Variants in NSDHL observed in about 807,000 individuals in gnomAD.
The protein encoded by NSDHL is NAD(P) dependent 3-beta-hydroxysteroid dehydrogenase NSDHL, also known as sterol-4-alpha-carboxylate 3-dehydrogenase, decarboxylating.
NSDHL carries 1 observed loss-of-function variant against 23.0 expected under a neutral mutation model. That is an observed-to-expected ratio of 0.04 (90% CI 0.02 to 0.21). NSDHL has a LOEUF of 0.21. Ranked by LOEUF, NSDHL falls within the 10% of genes least tolerant of loss-of-function variation. The probability of loss-of-function intolerance (pLI) is 1.00; values close to 1 mark genes in which losing one functional copy is unlikely to be tolerated. For missense variants in NSDHL, 237 were observed against 300.9 expected, an observed-to-expected ratio of 0.79 and a Z score of 1.57; for synonymous variants, 128 against 121.1, an observed-to-expected ratio of 1.06 and a Z score of -0.37.
At chrX:152,855,983 T>G (rs952711389) in intron 3 of NSDHL, among the ~76,000 whole-genome samples, 20 of 112,655 alleles carry the variant, frequency 1.8e-4, no homozygotes, top group Non-Finnish European at 3.2e-4. Context: ...GGTTGAAATA[T>G]TTAGCTCTCT....
chrX:152,844,450 C>T (rs1011378334), intron 1 of NSDHL, among the ~76,000 whole-genome samples: 8 of 112,377 alleles, frequency 7.1e-5, no homozygotes, highest in Non-Finnish European at 1.3e-4. Flanking sequence ...GCCTGTCATG[C>T]GGTCCTGTCA....
At chrX:152,845,118 C>G (rs1340119847) in intron 1 of NSDHL, among the ~76,000 whole-genome samples, 1 of 111,786 alleles carries the variant, frequency 8.9e-6, no homozygotes, top group Non-Finnish European at 1.9e-5. Flanking sequence ...AAAAATGTTC[C>G]CCCAAATGGC....
intron 1 of NSDHL, among the ~76,000 whole-genome samples, chrX:152,833,856 C>T (rs112834784): frequency 1.0e-3 from 113 of 112,244 alleles, no homozygotes; most frequent in African/African-American, 3.3e-3. Context: ...GTGTCTTTGT[C>T]AGCTTCTGCC....
chrX:152,846,746 G>A (rs1933280937), intron 2 of NSDHL, among the ~76,000 whole-genome samples: 1 of 112,161 alleles, frequency 8.9e-6, no homozygotes, highest in Non-Finnish European at 1.9e-5. Flanking sequence ...CTCCCAGGTG[G>A]CCTTGCTCAC....
intron 1 of NSDHL, among the ~76,000 whole-genome samples, chrX:152,836,985 A>G (rs1156445266): frequency 4.5e-5 from 5 of 111,598 alleles, no homozygotes; most frequent in Admixed American, 9.5e-5. Flanking sequence ...TCGTTGAGCA[A>G]TGGTTCGTAG....
chrX:152,862,078 G>A (rs1180223320), intron 4 of NSDHL, among the ~76,000 whole-genome samples: 1 of 112,641 alleles, frequency 8.9e-6, no homozygotes, highest in Non-Finnish European at 1.9e-5. Flanking sequence ...CAGGCTGGAC[G>A]CTGGGGACCC....
At chrX:152,863,393 A>G (rs782479033) in intron 5 of NSDHL, among the ~76,000 whole-genome samples, 127 of 111,196 alleles carry the variant, frequency 1.1e-3, no homozygotes, top group South Asian at 2.7e-3. Flanking sequence ...CTTACAGCCC[A>G]CCCTCAATGC....
rs147450466 is a variant in NSDHL, at chrX:152,837,375, G to A, written c.-44+6258G>A. On this transcript the variant is annotated intron_variant, in intron 1 of 7. Coordinates refer to ENST00000370274, the MANE Select transcript of NSDHL (RefSeq NM_015922.3). ...GAGAGGGGACCCCTCTCTTGTGCCAGTTTTCAAAGGGAATGCTTCCAGTTT... is the reference window on the plus strand; with the variant it reads ...GAGAGGGGACCCCTCTCTTGTGCCAATTTTCAAAGGGAATGCTTCCAGTTT... Among the ~76,000 whole-genome samples the A allele has an allele frequency of 1.1e-3, 124 of 111,622 alleles. 2 individuals are homozygous for A. The East Asian group carries it at 0.023, about 21-fold the overall frequency.
intron 3 of NSDHL, 88 bp from the exon 4 acceptor site, chrX:152,858,682 C>T (rs781941725): frequency 1.2e-6 from 1 of 821,590 alleles, no homozygotes; most frequent in East Asian, 3.2e-5. Context: ...AAGGAACCTA[C>T]AAGCCACAGG....
chrX:152,856,103 T>C (rs1933440886), intron 3 of NSDHL, among the ~76,000 whole-genome samples: 2 of 111,880 alleles, frequency 1.8e-5, no homozygotes, highest in Admixed American at 9.5e-5. Flanking sequence ...CAGTCTGGGT[T>C]TTGCCGATTA....
At chrX:152,857,987 A>G (rs972870617) in intron 3 of NSDHL, among the ~76,000 whole-genome samples, 1 of 112,689 alleles carries the variant, frequency 8.9e-6, no homozygotes, top group Non-Finnish European at 1.9e-5. Flanking sequence ...AGGTTTGACA[A>G]AATGATGACA....
chrX:152,847,459 C>G (rs781870173), intron 2 of NSDHL, among the ~76,000 whole-genome samples: 1 of 109,094 alleles, frequency 9.2e-6, no homozygotes, highest in Non-Finnish European at 1.9e-5. Context: ...CAAGCCTCCT[C>G]TGGGCCTCTG....
At chrX:152,859,690 G>A (rs1933497736) in intron 4 of NSDHL, among the ~76,000 whole-genome samples, 1 of 112,625 alleles carries the variant, frequency 8.9e-6, no homozygotes, top group South Asian at 3.7e-4. Flanking sequence ...ATGAACACAA[G>A]TGTACAAATA....
chrX:152,850,312 C>T lies in NSDHL; in HGVS notation c.156C>T (p.His52=). 8.3e-7 allele frequency: 1 copy of T among 1,209,830 alleles called. No individual in the cohort carries two copies. The highest frequency in any genetic ancestry group is 1.8e-5 in the South Asian group (1 of 56,913). Residue 52 remains histidine, a synonymous_variant, in exon 3 of 8, where the codon CAC becomes CAT. Coordinates refer to ENST00000370274, the MANE Select transcript of NSDHL (RefSeq NM_015922.3). ...GTGGCTCTGGATTCCTGGGGCAGCA[C>T]ATGGTGGAGCAGTTGCTGGCAAGAG... is the stretch of plus-strand genomic sequence containing the variant. ...VIGGSGFLGQ[H]MVEQLLARGY...
rs1484272432 is a variant in NSDHL, at chrX:152,858,841, C to G, written c.339C>G (p.Asn113Lys). Residue 113 changes from asparagine to lysine, a missense_variant, in exon 4 of 8, where the codon AAC becomes AAG. Physicochemically the swap from Asn to Lys is moderately conservative, Grantham distance 94 (BLOSUM62 0). Transcript: ENST00000370274. ...HCASPPPSSNNKELFYRVNYI... is the reference protein window; with the variant it reads ...HCASPPPSSNKKELFYRVNYI... ...CGTCACCCCCACCATCCAGTAACAACAAGGAGCTCTTTTATAGAGTGAATT... is the reference window on the plus strand; with the variant it reads ...CGTCACCCCCACCATCCAGTAACAAGAAGGAGCTCTTTTATAGAGTGAATT... 2 of 1,200,311 alleles carry G rather than the reference C, an allele frequency of 1.7e-6. No individual in the cohort carries two copies. Among genetic ancestry groups the G allele is most frequent in the Non-Finnish European group, 2.3e-6 (2 of 886,460 alleles).
rs151248633 is a variant in NSDHL at position 152,869,102 on chromosome X, C to T, written c.1108C>T (p.Arg370Trp). The T allele has an allele frequency of 1.1e-4, 133 of 1,208,249 alleles. No homozygotes were observed. The highest frequency in any genetic ancestry group is 1.0e-3 in the East Asian group (35 of 33,784). ...ERTVQSFRHL[R>W]RVK Reference sequence around the variant, plus strand: ...GACCGTGCAGAGCTTTCGCCACCTGCGGAGGGTCAAGTGAGGGACACTGGA... The same window carrying T: ...GACCGTGCAGAGCTTTCGCCACCTGTGGAGGGTCAAGTGAGGGACACTGGA... Residue 370 changes from arginine (R) to tryptophan (W), a missense_variant, in exon 8 of 8, where the codon CGG (arginine) becomes TGG (tryptophan). By Grantham distance (101) the Arg-to-Trp change is moderately radical (BLOSUM62 -3). Around this residue, in one of 3 missense-constraint regions of NSDHL, gnomAD observed 117 missense variants for 99.5 expected, o/e 1.18. Coordinates refer to ENST00000370274, the MANE Select transcript of NSDHL (RefSeq NM_015922.3).
intron 1 of NSDHL, among the ~76,000 whole-genome samples, chrX:152,841,358 G>A (rs1246904690): frequency 1.8e-5 from 2 of 112,571 alleles, no homozygotes. Context: ...TACCTCCATT[G>A]GAAATGCAGA....
chrX:152,865,857 A>G lies in NSDHL; in HGVS notation c.582A>G (p.Leu194=). 1 of 1,212,308 alleles carries G rather than the reference A, an allele frequency of 8.2e-7. No homozygotes were observed. The highest frequency in any genetic ancestry group is 1.7e-5 in the African/African-American group (1 of 57,996). Residue 194 remains leucine (L), a synonymous_variant, in exon 6 of 8, where the codon TTA becomes TTG. Transcript: ENST00000370274. ...LGANDPEKNF[L]TTAIRPHGIF... is the part of the protein sequence containing the mutation. Reference sequence around the variant, plus strand: ...CCAACGATCCTGAGAAGAATTTCTTAACCACAGCCATCCGCCCTCATGGCA... The same window carrying G: ...CCAACGATCCTGAGAAGAATTTCTTGACCACAGCCATCCGCCCTCATGGCA...
chrX:152,842,233 A>G (rs1228002426), intron 1 of NSDHL, among the ~76,000 whole-genome samples: 1 of 111,854 alleles, frequency 8.9e-6, no homozygotes, highest in Non-Finnish European at 1.9e-5. Context: ...ATGCCCAGAC[A>G]TGAAATTGCT....
Sources: gnomAD v4.1 joint callset for allele counts (sites outside exome capture counted in the v4.1 genomes callset) on GRCh38, gnomAD v4.1.1 for gene constraint, gnomAD v4.1.1 regional missense constraint, MANE v1.5 for transcripts, NCBI Gene and HGNC (gene_info 2026-07-23, HGNC 2026-07-21) for gene names.